Variants in GALNT7 observed in about 807,000 individuals in gnomAD.
GALNT7 encodes polypeptide N-acetylgalactosaminyltransferase 7.
In GALNT7, 60 loss-of-function variants were observed where a neutral mutation model predicts 82.1. That is an observed-to-expected ratio of 0.73 (90% CI 0.59 to 0.91). The LOEUF (loss-of-function observed/expected upper bound fraction) is 0.91, where lower values mean the gene tolerates loss of function less well. GALNT7 is among the 40% of genes least tolerant of loss of function. The pLI is 0.00. For synonymous variants in GALNT7, 243 were observed against 275.1 expected (o/e 0.88, Z 1.15); for missense variants, 660 against 804.2 (o/e 0.82, Z 2.17).
chr4:173,206,275 G>A (rs762457239), intron 1 of GALNT7, among the ~76,000 whole-genome samples: 9 of 152,178 alleles, frequency 5.9e-5, no homozygotes, highest in African/African-American at 1.7e-4. Context: ...GTTGGGAGTG[G>A]GGTGATGCAA....
At chr4:173,304,928 G>A (rs371136508) in intron 8 of GALNT7, among the ~76,000 whole-genome samples, 35 of 152,162 alleles carry the variant, frequency 2.3e-4, no homozygotes, top group African/African-American at 7.7e-4. Context: ...ATCTGTTGAT[G>A]GACACTTAGC....
chr4:173,279,295 C>T (rs927643723), intron 2 of GALNT7, among the ~76,000 whole-genome samples: 2 of 152,132 alleles, frequency 1.3e-5, no homozygotes, highest in South Asian at 4.2e-4. Context: ...GGAGGGTAAG[C>T]TACACATTTT....
chr4:173,264,695 C>T (rs1561180219), intron 2 of GALNT7, among the ~76,000 whole-genome samples: 1 of 152,200 alleles, frequency 6.6e-6, no homozygotes, highest in Non-Finnish European at 1.5e-5. Context: ...AGGTCTCTCT[C>T]ATTTTAAAAT....
chr4:173,178,025 GTGT>G (rs1732110602), intron 1 of GALNT7, among the ~76,000 whole-genome samples: 2 of 114,334 alleles, frequency 1.7e-5, no homozygotes, highest in Non-Finnish European at 3.6e-5. Context: ...GTGTGTGTGT[GTGT>G]GTGTGTGTGT....
chr4:173,245,578 G>A (rs1295915220), intron 1 of GALNT7, among the ~76,000 whole-genome samples: 1 of 152,112 alleles, frequency 6.6e-6, no homozygotes, highest in African/African-American at 2.4e-5. Flanking sequence ...TGAAGTGGAG[G>A]AGAATGTCTT....
intron 2 of GALNT7, among the ~76,000 whole-genome samples, chr4:173,258,398 G>A (rs997271549): frequency 2.6e-5 from 4 of 152,188 alleles, no homozygotes; most frequent in African/African-American, 4.8e-5. Flanking sequence ...TGTTTATATG[G>A]TTTTCAGGAA....
chr4:173,318,544 A>G lies in GALNT7; in HGVS notation c.1821A>G (p.Glu607=). 1 of 1,565,684 alleles carries G rather than the reference A, an allele frequency of 6.4e-7. No individual in the cohort carries two copies. The highest frequency in any genetic ancestry group is 8.8e-7 in the Non-Finnish European group (1 of 1,137,814). ...ACTGTAATCTAAATGAATTTAAGGA[A>G]TGGCAGTACTTCAAGGTATTCTGCA... is the stretch of plus-strand genomic sequence containing the variant. The part of the protein sequence containing the change: ...ITHCNLNEFK[E]WQYFKNLHRF... The change falls in exon 11 of 12, where the codon GAA becomes GAG. Residue 607 remains glutamate (E), a synonymous_variant. Transcript: ENST00000265000.
intron 1 of GALNT7, among the ~76,000 whole-genome samples, chr4:173,195,627 T>G (rs1732751548): frequency 6.6e-6 from 1 of 152,180 alleles, no homozygotes; most frequent in African/African-American, 2.4e-5. Context: ...TCTCTCAAAG[T>G]AGGAGCAGAG....
rs1737682457 is a variant in GALNT7 at position 173,318,424 on chromosome 4, T to G, written c.1708-7T>G. 1.3e-6 allele frequency: 2 copies of G among 1,599,448 alleles called. No individual in the cohort carries two copies. The highest frequency in any genetic ancestry group is 1.7e-6 in the Non-Finnish European group (2 of 1,174,174). ...CTGTTACTTAATTCTCTCTTTTCCT[T>G]TTACAGCTTTTCAGAATCAATGAAG... On this transcript the variant is annotated splice_polypyrimidine_tract_variant and splice_region_variant and intron_variant, in intron 10 of 11. Transcript: ENST00000265000.
chr4:173,280,731 T>A (rs944028123), intron 2 of GALNT7, among the ~76,000 whole-genome samples: 2 of 152,206 alleles, frequency 1.3e-5, no homozygotes, highest in Admixed American at 6.5e-5. Flanking sequence ...GTCCTTCTTA[T>A]TAGAACTTAT....
At chr4:173,265,078 T>C (rs1037668950) in intron 2 of GALNT7, among the ~76,000 whole-genome samples, 1 of 152,226 alleles carries the variant, frequency 6.6e-6, no homozygotes, top group South Asian at 2.1e-4. Context: ...ACTGTGCCCA[T>C]CCTGGCAAGG....
chr4:173,309,882 TC>T (rs1431791095), intron 8 of GALNT7, among the ~76,000 whole-genome samples: 2 of 151,394 alleles, frequency 1.3e-5, no homozygotes, highest in African/African-American at 4.9e-5. Flanking sequence ...GGAGTTGGAC[TC>T]AACAATCACG....
At chr4:173,247,131 T>C (rs559049606) in intron 1 of GALNT7, among the ~76,000 whole-genome samples, 1 of 152,046 alleles carries the variant, frequency 6.6e-6, no homozygotes, top group African/African-American at 2.4e-5. Context: ...ATGCCAATGT[T>C]GAGAAACAGT....
At chr4:173,176,905 G>A (rs552204792) in intron 1 of GALNT7, among the ~76,000 whole-genome samples, 1 of 152,342 alleles carries the variant, frequency 6.6e-6, no homozygotes, top group African/African-American at 2.4e-5. Flanking sequence ...CTAGATTTTA[G>A]TGAGGAGAGA....
At chr4:173,296,836 C>T (rs1032368594) in intron 5 of GALNT7, among the ~76,000 whole-genome samples, 8 of 152,150 alleles carry the variant, frequency 5.3e-5, no homozygotes, top group African/African-American at 1.9e-4. Context: ...GTGGCAGATT[C>T]CACAAATCTG....
chr4:173,189,562 T>C (rs1732561859), intron 1 of GALNT7, among the ~76,000 whole-genome samples: 1 of 152,234 alleles, frequency 6.6e-6, no homozygotes, highest in Non-Finnish European at 1.5e-5. Flanking sequence ...TAGAGCCATA[T>C]TGTGTCTATT....
At chr4:173,271,957 C>T (rs1735743533) in intron 2 of GALNT7, among the ~76,000 whole-genome samples, 1 of 152,090 alleles carries the variant, frequency 6.6e-6, no homozygotes, top group South Asian at 2.1e-4. Flanking sequence ...TATTTTGGGA[C>T]ATTTGGATTA....
At chr4:173,207,718 C>T (rs773940483) in intron 1 of GALNT7, among the ~76,000 whole-genome samples, 1 of 152,144 alleles carries the variant, frequency 6.6e-6, no homozygotes, top group Non-Finnish European at 1.5e-5. Flanking sequence ...CCCTACTGAT[C>T]CACAGGGTCA....
At chr4:173,311,848 CT>C (rs2126864795) in intron 8 of GALNT7, among the ~76,000 whole-genome samples, 2 of 152,230 alleles carry the variant, frequency 1.3e-5, no homozygotes, top group East Asian at 3.9e-4. Context: ...AACCCATGGG[CT>C]TTTGTGACAA....
Sources: gnomAD v4.1 joint callset for allele counts (sites outside exome capture counted in the v4.1 genomes callset) on GRCh38, gnomAD v4.1.1 for gene constraint, MANE v1.5 for transcripts, NCBI Gene and HGNC (gene_info 2026-07-23, HGNC 2026-07-21) for gene names.